GLIS3: variants seen among roughly 807,000 people sequenced by gnomAD.
GLIS3 encodes GLIS family zinc finger 3, also known as zinc finger protein GLIS3.
In GLIS3, 53 loss-of-function variants were observed where a neutral mutation model predicts 78.6. That is an observed-to-expected ratio of 0.67 (90% confidence interval 0.54 to 0.85). GLIS3 has a LOEUF of 0.85. Ranked by LOEUF, GLIS3 falls within the 40% of genes least tolerant of loss-of-function variation. The pLI, the probability that GLIS3 is intolerant of heterozygous loss-of-function variation, is 0.00. For synonymous variants in GLIS3, 684 were observed against 509.9 expected (o/e 1.34, Z -4.60); for missense variants, 1,703 against 1,231.1 (o/e 1.38, Z -5.74).
intron 8 of GLIS3, among the ~76,000 whole-genome samples, chr9:3,861,558 G>A (rs567063114): frequency 3.3e-5 from 5 of 151,920 alleles, no homozygotes; most frequent in Admixed American, 1.3e-4. Flanking sequence ...AAGATAGACC[G>A]GATAAAGAAA....
intron 2 of GLIS3, among the ~76,000 whole-genome samples, chr9:4,249,846 C>T (rs1033002463): frequency 2.6e-5 from 4 of 152,130 alleles, no homozygotes; most frequent in African/African-American, 7.2e-5. Flanking sequence ...TGAATTTTAT[C>T]GAAGGCCTTT....
chr9:4,482,757 C>G, the GLIS3 span, among the ~76,000 whole-genome samples: 1 of 152,036 alleles, frequency 6.6e-6, no homozygotes, highest in Non-Finnish European at 1.5e-5. Context: ...TAGTAACTAA[C>G]AGGAGAGGCC....
chr9:3,873,436 T>A (rs1821092208), intron 8 of GLIS3, among the ~76,000 whole-genome samples: 1 of 152,160 alleles, frequency 6.6e-6, no homozygotes, highest in Non-Finnish European at 1.5e-5. Context: ...ATAAATGGGA[T>A]ATATAACATC....
chr9:4,425,597 G>C, the GLIS3 span, among the ~76,000 whole-genome samples: 1 of 152,344 alleles, frequency 6.6e-6, no homozygotes, highest in South Asian at 2.1e-4. Context: ...GGTTGGGTTT[G>C]CAATGCAATG....
At chr9:4,246,235 A>C (rs1328006767) in intron 2 of GLIS3, among the ~76,000 whole-genome samples, 2 of 152,180 alleles carry the variant, frequency 1.3e-5, no homozygotes, top group Non-Finnish European at 2.9e-5. Context: ...ACCCAGTCTC[A>C]AAAGAAACAA....
chr9:4,079,129 CATT>C (rs1384589370), intron 4 of GLIS3, among the ~76,000 whole-genome samples: 1 of 152,194 alleles, frequency 6.6e-6, no homozygotes, highest in Non-Finnish European at 1.5e-5. Flanking sequence ...CTTGTATCAT[CATT>C]ACCTTCTCTG....
At chr9:4,477,845 G>C in the GLIS3 span, among the ~76,000 whole-genome samples, 1 of 152,074 alleles carries the variant, frequency 6.6e-6, no homozygotes, top group Non-Finnish European at 1.5e-5. Flanking sequence ...TAAAAACATG[G>C]TAAAATTAAA....
chr9:4,364,927 G>C, the GLIS3 span, among the ~76,000 whole-genome samples: 25 of 152,018 alleles, frequency 1.6e-4, no homozygotes, highest in East Asian at 4.4e-3. Flanking sequence ...AGAACTACAG[G>C]TGTCTGCTAC....
chr9:4,486,766 T>C, the GLIS3 span, among the ~76,000 whole-genome samples: 1 of 152,204 alleles, frequency 6.6e-6, no homozygotes, highest in Non-Finnish European at 1.5e-5. Context: ...CATAGCTCCC[T>C]GCAACCTCAA....
intron 2 of GLIS3, among the ~76,000 whole-genome samples, chr9:4,273,937 A>G (rs894484476): frequency 6.6e-6 from 1 of 152,250 alleles, no homozygotes; most frequent in African/African-American, 2.4e-5. Context: ...CTCAGGCCAT[A>G]ATGTGCAGCT....
At chr9:4,312,536 C>A (rs1240814126) in intron 2 of GLIS3, among the ~76,000 whole-genome samples, 1 of 152,202 alleles carries the variant, frequency 6.6e-6, no homozygotes, top group Non-Finnish European at 1.5e-5. Flanking sequence ...TACATACATG[C>A]CAATTTTGCC....
chr9:4,460,438 G>A, the GLIS3 span, among the ~76,000 whole-genome samples: 6 of 152,158 alleles, frequency 3.9e-5, no homozygotes, highest in East Asian at 7.7e-4. Context: ...TTGCCATAAT[G>A]GAAGTCCACA....
At chr9:4,260,608 T>C (rs1384746243) in intron 2 of GLIS3, among the ~76,000 whole-genome samples, 2 of 149,614 alleles carry the variant, frequency 1.3e-5, no homozygotes, top group African/African-American at 2.5e-5. Flanking sequence ...TAGCTGGCCA[T>C]GGTGGTGCAT....
intron 2 of GLIS3, among the ~76,000 whole-genome samples, chr9:4,195,082 T>C (rs1227824474): frequency 1.3e-5 from 2 of 152,218 alleles, no homozygotes; most frequent in Non-Finnish European, 1.5e-5. Context: ...AGAACTGTGC[T>C]CTCCCCAACT....
chr9:4,338,263 A>G (rs531822745), intron 2 of GLIS3, among the ~76,000 whole-genome samples: 1 of 152,212 alleles, frequency 6.6e-6, no homozygotes, highest in South Asian at 2.1e-4. Flanking sequence ...GCTTGTTAAA[A>G]CACAGCTTTC....
At chr9:3,928,342 T>G (rs1825387203) in intron 6 of GLIS3, among the ~76,000 whole-genome samples, 1 of 152,244 alleles carries the variant, frequency 6.6e-6, no homozygotes, top group Non-Finnish European at 1.5e-5. Context: ...GGGGTGGCCC[T>G]GATCATGCAC....
At chr9:4,405,934 ACAT>A in the GLIS3 span, among the ~76,000 whole-genome samples, 1 of 152,260 alleles carries the variant, frequency 6.6e-6, no homozygotes, top group Non-Finnish European at 1.5e-5. Context: ...TCAATGTGAC[ACAT>A]CATATCAACA....
intron 4 of GLIS3, among the ~76,000 whole-genome samples, chr9:4,065,050 C>A (rs1394969715): frequency 6.6e-6 from 1 of 152,188 alleles, no homozygotes; most frequent in South Asian, 2.1e-4. Flanking sequence ...ATTCTAGAAA[C>A]TACAAAAGGC....
At chr9:4,088,265 G>A (rs1201266189) in intron 4 of GLIS3, among the ~76,000 whole-genome samples, 2 of 152,250 alleles carry the variant, frequency 1.3e-5, no homozygotes, top group Admixed American at 6.5e-5. Context: ...CCTTTTGGGA[G>A]AAGGCATTGG....
Sources: gnomAD v4.1 joint callset for allele counts (sites outside exome capture counted in the v4.1 genomes callset) on GRCh38, gnomAD v4.1.1 for gene constraint, MANE v1.5 for transcripts, NCBI Gene and HGNC (gene_info 2026-07-23, HGNC 2026-07-21) for gene names.